PNPT1: variants seen among roughly 807,000 people sequenced by gnomAD.
PNPT1 encodes polyribonucleotide nucleotidyltransferase 1, mitochondrial.
PNPT1 carries 53 observed loss-of-function variants against 119.5 expected under a neutral mutation model. The observed-to-expected ratio is 0.44, with a 90% CI of 0.36 to 0.56. The LOEUF is 0.56. Ranked by LOEUF, PNPT1 falls within the 20% of genes least tolerant of loss-of-function variation. PNPT1 has a pLI of 0.00. For synonymous variants in PNPT1, 357 were observed against 322.1 expected (o/e 1.11, Z -1.16); for missense variants, 948 against 938.5 (o/e 1.01, Z -0.13).
intron 14 of PNPT1, 145 bp downstream of exon 14, chr2:55,661,811 T>G (rs1212834405): frequency 1.4e-6 from 1 of 728,486 alleles, no homozygotes; most frequent in East Asian, 3.5e-5. Flanking sequence ...CAAAATCCTT[T>G]GAAATCATGA....
At chr2:55,664,650 CAA>C (rs1440401839) in intron 13 of PNPT1, among the ~76,000 whole-genome samples, 1 of 151,870 alleles carries the variant, frequency 6.6e-6, no homozygotes, top group Non-Finnish European at 1.5e-5. Context: ...AAAAGAAAAA[CAA>C]ATAATAAAAT....
chr2:55,685,859 C>T (rs1697390011), intron 3 of PNPT1, among the ~76,000 whole-genome samples: 1 of 152,156 alleles, frequency 6.6e-6, no homozygotes, highest in African/African-American at 2.4e-5. Context: ...TACTTTAAAT[C>T]ATCTCTAGAT....
intron 13 of PNPT1, 55 bp downstream of exon 13, chr2:55,666,936 A>C: frequency 8.6e-7 from 1 of 1,156,762 alleles, no homozygotes; most frequent in Non-Finnish European, 1.2e-6. Context: ...CTTCTATTAG[A>C]TCTAATTAAA....
intron 26 of PNPT1, among the ~76,000 whole-genome samples, chr2:55,639,191 T>C (rs572081467): frequency 2.0e-5 from 3 of 152,228 alleles, no homozygotes; most frequent in Admixed American, 6.5e-5. Context: ...GTGTTGCAAA[T>C]GTTAATGACT....
rs1695602743 is a variant in PNPT1, at chr2:55,634,469, C to G, written c.*1768G>C. Reference sequence around the variant, plus strand: ...TAGAGATGGGGTTTTACCGTGTTGGCCAGGCTGGTCTTGAATTCCTGACCT... The same window carrying G: ...TAGAGATGGGGTTTTACCGTGTTGGGCAGGCTGGTCTTGAATTCCTGACCT... On this transcript the variant is annotated 3_prime_UTR_variant, in exon 28 of 28. Transcript: ENST00000447944. 6.6e-6 allele frequency: 1 copy of G among 151,558 alleles called. No homozygotes were observed. Among genetic ancestry groups the G allele is most frequent in the Non-Finnish European group, 1.5e-5 (1 of 67,978 alleles). The allele number at this position is 151,558 out of a possible 1,614,324, so 9.4% of individuals were successfully genotyped here.
chr2:55,672,508 T>A (rs1696945770), intron 9 of PNPT1, among the ~76,000 whole-genome samples: 1 of 152,266 alleles, frequency 6.6e-6, no homozygotes, highest in South Asian at 2.1e-4. Flanking sequence ...TTACATTTAC[T>A]GAGTGTCTGC....
chr2:55,651,201 G>C (rs1696183698), intron 18 of PNPT1, among the ~76,000 whole-genome samples: 2 of 151,202 alleles, frequency 1.3e-5, no homozygotes, highest in Admixed American at 1.3e-4. Context: ...GAGGTGAGGG[G>C]CGCCTCTGCC....
rs549763326 is a variant in PNPT1, at chr2:55,648,958, T to C, written c.1496-1505A>G. Among the ~76,000 whole-genome samples, 9 of 152,202 alleles carry C rather than the reference T, an allele frequency of 5.9e-5. No individual in the cohort carries two copies. The South Asian group carries it at 1.9e-3, about 32-fold the overall frequency. On this transcript the variant is annotated intron_variant, in intron 18 of 27. Coordinates refer to ENST00000447944, the MANE Select transcript of PNPT1 (RefSeq NM_033109.5). The stretch of plus-strand genomic sequence containing the variant: ...TGGAATTTACTTTGGTATAAAGGAG[T>C]GTGGATCTCATTTCATTTTCTCTAA...
chr2:55,653,728 T>C (rs1696286150), intron 18 of PNPT1, among the ~76,000 whole-genome samples: 2 of 152,248 alleles, frequency 1.3e-5, no homozygotes, highest in African/African-American at 4.8e-5. Flanking sequence ...TTTGCATTTT[T>C]TGCTTTGGCC....
At chr2:55,644,750 C>A (rs368824453) in intron 22 of PNPT1, 30 bp from the exon 23 acceptor site, 19 of 1,515,394 alleles carry the variant, frequency 1.3e-5, no homozygotes, top group Non-Finnish European at 1.6e-5. Context: ...AATATATAAA[C>A]AATTCAACTA....
At chr2:55,693,588 C>G in intron 1 of PNPT1, 75 bp downstream of exon 1, 3 of 1,576,162 alleles carry the variant, frequency 1.9e-6, no homozygotes, top group Non-Finnish European at 2.6e-6. Flanking sequence ...GGTTTCTACC[C>G]TGGGAGATGA....
intron 10 of PNPT1, 139 bp from the exon 11 acceptor site, chr2:55,671,515 G>T: frequency 2.0e-6 from 1 of 512,298 alleles, no homozygotes; most frequent in South Asian, 4.1e-5. Flanking sequence ...ATTGGTTCTT[G>T]ATTTATGACA....
intron 11 of PNPT1, 102 bp from the exon 12 acceptor site, chr2:55,668,060 C>G: frequency 2.0e-6 from 2 of 1,010,032 alleles, no homozygotes; most frequent in Non-Finnish European, 2.9e-6. Flanking sequence ...GGGAATCAAC[C>G]AAGGGAGATG....
chr2:55,676,208 G>C (rs953895681), intron 8 of PNPT1, among the ~76,000 whole-genome samples: 1 of 138,456 alleles, frequency 7.2e-6, no homozygotes, highest in African/African-American at 2.7e-5. Context: ...GCAGTGAGCC[G>C]AGATTGCGCC....
chr2:55,655,504 A>T lies in PNPT1; in HGVS notation c.1442-551T>A, dbSNP rs953375168. 5.3e-5 allele frequency among the ~76,000 whole-genome samples: 8 copies of T among 152,244 alleles called. No homozygotes were observed. In the South Asian group the frequency reaches 1.7e-3, roughly 31 times the overall value. Reference sequence around the variant, plus strand: ...CATATCTTTTGTCTTGCTTATCAGAAGTAGTTAAAGATATAGGGCTTTGGC... The same window carrying T: ...CATATCTTTTGTCTTGCTTATCAGATGTAGTTAAAGATATAGGGCTTTGGC... On this transcript the variant is annotated intron_variant, in intron 17 of 27. Coordinates refer to ENST00000447944, the MANE Select transcript of PNPT1 (RefSeq NM_033109.5).
chr2:55,662,414 C>T (rs1696606534), intron 13 of PNPT1, among the ~76,000 whole-genome samples: 1 of 152,152 alleles, frequency 6.6e-6, no homozygotes, highest in Admixed American at 6.5e-5. Context: ...TGGTGGCCCA[C>T]ACCTGTAATC....
rs2104034451 is a variant in PNPT1 at position 55,646,201 on chromosome 2, A to G, written c.1738+58T>C. 3.4e-6 allele frequency: 5 copies of G among 1,461,706 alleles called. No individual in the cohort carries two copies. The South Asian group carries it at 3.6e-5, about 11-fold the overall frequency. 90.5% of individuals were successfully genotyped at this position (1,461,706 alleles called of 1,614,324 possible). On this transcript the variant is annotated intron_variant, in intron 21 of 27. Transcript: ENST00000447944. ...TTTTATAATAAGCCTAATGAGAACTATAGTTCCCATTAGCAAAGTGGAAAA... is the reference window on the plus strand; with the variant it reads ...TTTTATAATAAGCCTAATGAGAACTGTAGTTCCCATTAGCAAAGTGGAAAA...
intron 9 of PNPT1, 130 bp downstream of exon 9, chr2:55,672,763 T>C (rs1323353219): frequency 1.2e-6 from 1 of 817,148 alleles, no homozygotes; most frequent in Non-Finnish European, 1.9e-6. Context: ...TTTATGGGAA[T>C]GACTCTTAAA....
intron 18 of PNPT1, among the ~76,000 whole-genome samples, chr2:55,650,583 A>G (rs545932312): frequency 5.1e-4 from 78 of 151,630 alleles, no homozygotes; most frequent in African/African-American, 1.7e-3. Flanking sequence ...GGAAGTGAGG[A>G]GCGCCTCTTC....
Sources: gnomAD v4.1 joint callset for allele counts (sites outside exome capture counted in the v4.1 genomes callset) on GRCh38, gnomAD v4.1.1 for gene constraint, MANE v1.5 for transcripts, NCBI Gene and HGNC (gene_info 2026-07-23, HGNC 2026-07-21) for gene names.